Variants in C13orf42 observed in about 807,000 individuals in gnomAD.
The protein encoded by C13orf42 is chromosome 13 open reading frame 42, also known as uncharacterized protein C13orf42.
At position 51,085,326 on chromosome 13, in the gene C13orf42, T is replaced by G. The variant is rs1953109861; in HGVS notation, c.796A>C (p.Lys266Gln). 3 of 398,554 alleles carry G rather than the reference T, an allele frequency of 7.5e-6. No individual in the cohort carries two copies. The highest frequency in any genetic ancestry group is 1.3e-5 in the Non-Finnish European group (3 of 226,044). The allele number at this position is 398,554 out of a possible 1,614,324, so 24.7% of individuals were successfully genotyped here. A position where few individuals can be genotyped will look rare whatever the true frequency, so the allele number is the denominator to read the frequency against. The change falls in exon 3 of 4, where the codon AAA becomes CAA. Residue 266 changes from lysine (K) to glutamine (Q), a missense_variant. Coordinates refer to ENST00000563710, the MANE Select transcript of C13orf42 (RefSeq NM_001351589.3). ...NTWKFKPKAC[K>Q]KDLGSSRQIL... Reference sequence around the variant, plus strand: ...TTTAGCCCAAGCACTTACTCTTTTTTGCAGGCTTTGGGCTTAAATTTCCAG... The same window carrying G: ...TTTAGCCCAAGCACTTACTCTTTTTGGCAGGCTTTGGGCTTAAATTTCCAG...
intron 1 of C13orf42, among the ~76,000 whole-genome samples, chr13:51,100,811 C>T (rs189302255): frequency 4.6e-5 from 7 of 152,268 alleles, no homozygotes; most frequent in African/African-American, 1.7e-4. Flanking sequence ...CCATTAATCA[C>T]ACTTTAGGAA....
rs182674689 is a variant in C13orf42, at chr13:51,142,894, G to A, written n.136+29359C>T. The stretch of plus-strand genomic sequence containing the variant: ...ATGTTCAGAACAAATCAGAAAGTCC[G>A]ACAATGTCATGAACGGTCAGTGTAA... On this transcript the variant is annotated intron_variant and non_coding_transcript_variant, in intron 1 of 4. Coordinates refer to the C13orf42 transcript ENST00000433280. Among the ~76,000 whole-genome samples the A allele has an allele frequency of 2.0e-4, 31 of 152,146 alleles. 1 individual carries two copies. The East Asian group carries it at 2.1e-3, about 10-fold the overall frequency.
chr13:51,124,983 A>G lies in C13orf42; in HGVS notation n.137-11761T>C, dbSNP rs144576289. Among the ~76,000 whole-genome samples, 507 of 152,208 alleles carry G rather than the reference A, an allele frequency of 3.3e-3. 4 individuals carry two copies. The highest frequency in any genetic ancestry group is 0.012 in the African/African-American group (483 of 41,500). On this transcript the variant is annotated intron_variant and non_coding_transcript_variant, in intron 1 of 4. Coordinates refer to the C13orf42 transcript ENST00000433280. ...TTCCTTTTGGTCACACATCAAAGAA[A>G]CTTGTTACATTTACTCTGTAAGCAA...
intron 1 of C13orf42, chr13:51,171,978 T>C (rs1953957411): frequency 6.6e-6 from 1 of 152,170 alleles, no homozygotes; most frequent in African/African-American, 2.4e-5. Flanking sequence ...CAGGATTTAA[T>C]TAACCTCACC....
chr13:51,150,149 A>G lies in C13orf42; in HGVS notation n.136+22104T>C, dbSNP rs1371388450. On this transcript the variant is annotated intron_variant and non_coding_transcript_variant, in intron 1 of 4. Transcript: ENST00000433280. ...GACAAAATTATGTAGACAAAAACAC[A>G]TGATCAGCTTTTACTGCTGACATTT... 2.0e-5 allele frequency among the ~76,000 whole-genome samples: 3 copies of G among 152,258 alleles called. No individual in the cohort carries two copies. The East Asian group carries it at 5.8e-4, about 29-fold the overall frequency.
intron 3 of C13orf42, 121 bp from the exon 4 acceptor site, chr13:51,084,446 C>T: frequency 5.0e-6 from 2 of 396,440 alleles, no homozygotes; most frequent in Non-Finnish European, 8.9e-6. Flanking sequence ...AGTCCTGGGT[C>T]TTGGGGAGGA....
At chr13:51,098,249 G>C (rs989304050) in intron 1 of C13orf42, among the ~76,000 whole-genome samples, 8 of 151,936 alleles carry the variant, frequency 5.3e-5, no homozygotes, top group Admixed American at 1.3e-4. Flanking sequence ...GGCTCTGTCA[G>C]TATTTTTCTG....
At chr13:51,158,944 G>A (rs560410733) in intron 1 of C13orf42, among the ~76,000 whole-genome samples, 42 of 152,258 alleles carry the variant, frequency 2.8e-4, no homozygotes, top group African/African-American at 1.0e-3. Context: ...TTCCTTCTCC[G>A]CTTCTTCTGC....
intron 1 of C13orf42, among the ~76,000 whole-genome samples, chr13:51,134,632 A>C (rs745509103): frequency 3.9e-5 from 6 of 152,230 alleles, no homozygotes; most frequent in Non-Finnish European, 5.9e-5. Context: ...GGTTAATTTG[A>C]TCACCAGCAT....
At chr13:51,111,969 C>T (rs1429788970), upstream of C13orf42, among the ~76,000 whole-genome samples, 1 of 152,242 alleles carries the variant, frequency 6.6e-6, no homozygotes, top group Non-Finnish European at 1.5e-5. Context: ...CGACTTTTTG[C>T]ACAGAAGCAT....
chr13:51,114,353 G>A (rs1439280077), upstream of C13orf42, among the ~76,000 whole-genome samples: 1 of 152,186 alleles, frequency 6.6e-6, no homozygotes, highest in Admixed American at 6.5e-5. Context: ...ATGATTAAAT[G>A]AGATACTATA....
At chr13:51,101,566 C>T (rs559874591) in intron 1 of C13orf42, among the ~76,000 whole-genome samples, 1 of 152,142 alleles carries the variant, frequency 6.6e-6, no homozygotes, top group East Asian at 1.9e-4. Context: ...CCAGATCTTC[C>T]ATCAAAGTTT....
In C13orf42 at chr13:51,153,621, G is replaced by GTTTTTTTT. The variant is rs1202370498; in HGVS notation, n.136+18624_136+18631dup. Among the ~76,000 whole-genome samples, 360 of 81,970 alleles carry GTTTTTTTT rather than the reference G, an allele frequency of 4.4e-3. 10 individuals are homozygous for GTTTTTTTT. Among genetic ancestry groups the GTTTTTTTT allele is most frequent in the East Asian group, 0.019 (55 of 2,938 alleles). 53.8% of individuals were successfully genotyped at this position (81,970 alleles called of 152,430 possible). On this transcript the variant is annotated intron_variant and non_coding_transcript_variant, in intron 1 of 4. Transcript: ENST00000433280. ...TTATCAACCCATTTTCTTGCTTTCT[G>GTTTTTTTT]TTTTTTTTCTTTTTTTTTTTTTTTT...
At chr13:51,135,144 G>A (rs992970095) in intron 1 of C13orf42, among the ~76,000 whole-genome samples, 1 of 152,214 alleles carries the variant, frequency 6.6e-6, no homozygotes, top group Non-Finnish European at 1.5e-5. Context: ...AGAGGAGGGA[G>A]GAACCAGACT....
At chr13:51,138,052 G>A (rs1953670416) in intron 1 of C13orf42, among the ~76,000 whole-genome samples, 1 of 152,120 alleles carries the variant, frequency 6.6e-6, no homozygotes, top group Non-Finnish European at 1.5e-5. Context: ...GCACTTCCAG[G>A]GCCCTCCTTT....
chr13:51,125,707 CT>C (rs773631742), intron 1 of C13orf42, among the ~76,000 whole-genome samples: 2 of 152,198 alleles, frequency 1.3e-5, no homozygotes, highest in Non-Finnish European at 2.9e-5. Context: ...TAGGCTTATC[CT>C]TTTAATCAAT....
intron 1 of C13orf42, among the ~76,000 whole-genome samples, chr13:51,168,642 T>C (rs1953919652): frequency 6.6e-6 from 1 of 152,214 alleles, no homozygotes; most frequent in East Asian, 1.9e-4. Context: ...ACCAATGACA[T>C]GAAGCCATCC....
At chr13:51,113,605 T>C (rs11618779), upstream of C13orf42, among the ~76,000 whole-genome samples, 56,760 of 151,800 alleles carry the variant, frequency 0.37, 11,012 homozygotes, top group African/African-American at 0.48. Context: ...CGTGTGTTTG[T>C]GTTTCAAGTA....
At chr13:51,107,646 C>T (rs904840204) in intron 1 of C13orf42, among the ~76,000 whole-genome samples, 4 of 152,036 alleles carry the variant, frequency 2.6e-5, no homozygotes, top group African/African-American at 4.8e-5. Flanking sequence ...ATATGGAGGC[C>T]GGCTCTCCCC....
Sources: gnomAD v4.1 joint callset for allele counts (sites outside exome capture counted in the v4.1 genomes callset) on GRCh38, gnomAD v4.1.1 for gene constraint, MANE v1.5 for transcripts, NCBI Gene and HGNC (gene_info 2026-07-23, HGNC 2026-07-21) for gene names.